Variants in PLXNA4 observed in about 807,000 individuals in gnomAD.
PLXNA4 encodes the protein plexin A4.
In PLXNA4, 44 loss-of-function variants were observed where a neutral mutation model predicts 191.8. The observed-to-expected ratio is 0.23, with a 90% CI of 0.18 to 0.29. The LOEUF (loss-of-function observed/expected upper bound fraction) is 0.29, where lower values mean the gene tolerates loss of function less well. PLXNA4 is among the 10% of genes least tolerant of loss of function. PLXNA4 has a pLI of 1.00. For synonymous variants in PLXNA4, 1,082 were observed against 1,009.5 expected, an observed-to-expected ratio of 1.07 and a Z score of -1.36; for missense variants, 1,800 against 2,488.8, an observed-to-expected ratio of 0.72 and a Z score of 5.89.
intron 3 of PLXNA4, among the ~76,000 whole-genome samples, chr7:132,417,711 G>T (rs896839896): frequency 6.6e-6 from 1 of 151,310 alleles, no homozygotes; most frequent in African/African-American, 2.4e-5. Flanking sequence ...GGGAGAGGTG[G>T]GGGAGGAGGG....
intron 2 of PLXNA4, among the ~76,000 whole-genome samples, chr7:132,632,235 CAAAAAAAA>C (rs398006359): frequency 1.3e-5 from 1 of 78,660 alleles, no homozygotes; most frequent in African/African-American, 4.7e-5. Context: ...GACTCCATCT[CAAAAAAAA>C]AAAAAAAAAA....
chr7:132,584,541 A>T (rs1802470804), intron 2 of PLXNA4, among the ~76,000 whole-genome samples: 1 of 152,250 alleles, frequency 6.6e-6, no homozygotes, highest in Non-Finnish European at 1.5e-5. Flanking sequence ...AACATGGTGC[A>T]GATGTAAAAC....
chr7:132,449,068 A>G (rs562058428), intron 3 of PLXNA4, among the ~76,000 whole-genome samples: 2 of 152,344 alleles, frequency 1.3e-5, no homozygotes, highest in South Asian at 4.1e-4. Context: ...TCAGATGTCA[A>G]GACTTTTCAA....
rs552798041 is a variant in PLXNA4 at position 132,286,480 on chromosome 7, C to T, written c.1503+11611G>A. On this transcript the variant is annotated intron_variant, in intron 4 of 31. Transcript: ENST00000321063. Reference sequence around the variant, plus strand: ...TCAGGACAATTGCCAGAGACAGATGCTTAATGGAGTTCAGGATTAGAGACC... The same window carrying T: ...TCAGGACAATTGCCAGAGACAGATGTTTAATGGAGTTCAGGATTAGAGACC... Among the ~76,000 whole-genome samples, 17 of 152,294 alleles carry T rather than the reference C, an allele frequency of 1.1e-4. No homozygotes were observed. The South Asian group carries it at 2.3e-3, about 20-fold the overall frequency.
intron 2 of PLXNA4, among the ~76,000 whole-genome samples, chr7:132,628,760 C>T (rs1204795607): frequency 6.6e-6 from 1 of 152,036 alleles, no homozygotes; most frequent in African/African-American, 2.4e-5. Context: ...TGATCTTGTT[C>T]TCTGAAACTC....
intron 12 of PLXNA4, among the ~76,000 whole-genome samples, chr7:132,200,939 G>A (rs1351812134): frequency 2.0e-5 from 3 of 152,204 alleles, no homozygotes; most frequent in Non-Finnish European, 4.4e-5. Flanking sequence ...GAGACATTAT[G>A]GGTTTGAATT....
At chr7:132,557,560 A>AT (rs1800858850) in intron 1 of PLXNA4, among the ~76,000 whole-genome samples, 2 of 151,398 alleles carry the variant, frequency 1.3e-5, no homozygotes, top group African/African-American at 4.9e-5. Flanking sequence ...AAAAAAAAAA[A>AT]AGTTTTCACC....
intron 1 of PLXNA4, among the ~76,000 whole-genome samples, chr7:132,570,329 A>C (rs1351687656): frequency 6.6e-6 from 1 of 152,200 alleles, no homozygotes; most frequent in African/African-American, 2.4e-5. Flanking sequence ...AGGCTGCTTC[A>C]GTTGCACATC....
chr7:132,193,942 G>A, intron 14 of PLXNA4, 120 bp downstream of exon 14: 1 of 1,288,386 alleles, frequency 7.8e-7, no homozygotes, highest in Non-Finnish European at 1.1e-6. Flanking sequence ...ATGAACTGAG[G>A]GAGGTTGCAG....
chr7:132,232,339 G>A (rs1011426165), intron 5 of PLXNA4, among the ~76,000 whole-genome samples: 7 of 152,042 alleles, frequency 4.6e-5, no homozygotes, highest in African/African-American at 7.3e-5. Context: ...AGCTGAAAAC[G>A]GATTCAGACA....
At chr7:132,176,736 G>C (rs533432882) in intron 20 of PLXNA4, among the ~76,000 whole-genome samples, 1 of 150,916 alleles carries the variant, frequency 6.6e-6, no homozygotes, top group Non-Finnish European at 1.5e-5. Context: ...GTGTGTATGT[G>C]TGTGAATGTG....
At chr7:132,465,187 C>A (rs1421645467) in intron 3 of PLXNA4, among the ~76,000 whole-genome samples, 1 of 152,160 alleles carries the variant, frequency 6.6e-6, no homozygotes, top group Non-Finnish European at 1.5e-5. Flanking sequence ...AGTCTAGACC[C>A]CCCCACCAGG....
intron 3 of PLXNA4, chr7:132,384,043 C>A (rs35967551): frequency 0.017 from 16,574 of 985,452 alleles, 159 homozygotes; most frequent in Non-Finnish European, 0.019. Flanking sequence ...CAGTGAGACA[C>A]AGAGGGGTTG....
chr7:132,551,411 T>G (rs1223820684), intron 1 of PLXNA4, among the ~76,000 whole-genome samples: 1 of 152,282 alleles, frequency 6.6e-6, no homozygotes, highest in African/African-American at 2.4e-5. Context: ...TAACCAGCCA[T>G]GATTAATAGT....
intron 9 of PLXNA4, among the ~76,000 whole-genome samples, chr7:132,212,441 C>G (rs1797833908): frequency 1.3e-5 from 2 of 152,182 alleles, no homozygotes; most frequent in South Asian, 4.1e-4. Flanking sequence ...AAGACTTAGG[C>G]TCAGAGGGAG....
At chr7:132,534,318 C>A (rs1799744354) in intron 1 of PLXNA4, among the ~76,000 whole-genome samples, 1 of 152,176 alleles carries the variant, frequency 6.6e-6, no homozygotes. Flanking sequence ...AGGGCCACCG[C>A]CCCTACTAAC....
intron 3 of PLXNA4, among the ~76,000 whole-genome samples, chr7:132,382,226 A>G (rs1329710201): frequency 6.6e-6 from 1 of 152,174 alleles, no homozygotes; most frequent in Non-Finnish European, 1.5e-5. Flanking sequence ...AGGAAGCAGG[A>G]AGAGGGTTAA....
intron 24 of PLXNA4, among the ~76,000 whole-genome samples, chr7:132,163,481 C>T (rs1301643101): frequency 6.6e-6 from 1 of 152,186 alleles, no homozygotes; most frequent in African/African-American, 2.4e-5. Flanking sequence ...CCCCAATTCA[C>T]CCTGTTGGTC....
intron 3 of PLXNA4, among the ~76,000 whole-genome samples, chr7:132,444,863 A>C (rs560927532): frequency 4.8e-4 from 70 of 147,122 alleles, no homozygotes; most frequent in African/African-American, 1.6e-3. Flanking sequence ...GTGTGTTAAA[A>C]CCCTTAAGAT....
Sources: gnomAD v4.1 joint callset for allele counts (sites outside exome capture counted in the v4.1 genomes callset) on GRCh38, gnomAD v4.1.1 for gene constraint, MANE v1.5 for transcripts, NCBI Gene and HGNC (gene_info 2026-07-23, HGNC 2026-07-21) for gene names.